The following STRA6 variants were observed in gnomAD, a reference collection of about 807,000 sequenced individuals.
STRA6 encodes receptor for retinol uptake STRA6.
In STRA6, 48 loss-of-function variants were observed where a neutral mutation model predicts 83.6. That is an observed-to-expected ratio of 0.57 (90% confidence interval 0.46 to 0.73). The LOEUF (loss-of-function observed/expected upper bound fraction) is 0.73, where lower values mean the gene tolerates loss of function less well. Among genes scored for constraint, STRA6 ranks in the 30% least tolerant of loss-of-function variants. STRA6 has a pLI of 0.00. For missense variants in STRA6, 760 were observed against 838.8 expected (o/e 0.91, Z 1.16); for synonymous variants, 353 against 362.3 (o/e 0.97, Z 0.29).
At chr15:74,182,135 A>T (rs759206996) in intron 16 of STRA6, 26 bp downstream of exon 16, 1 of 1,594,268 alleles carries the variant, frequency 6.3e-7, no homozygotes, top group Non-Finnish European at 8.6e-7. Context: ...GGCCTGAGGG[A>T]GCCACAAGCC....
At chr15:74,195,222 A>G in intron 7 of STRA6, 80 bp downstream of exon 7, 1 of 1,569,390 alleles carries the variant, frequency 6.4e-7, no homozygotes, top group South Asian at 1.2e-5. Flanking sequence ...TCATAGAATC[A>G]GAGCTCAAAG....
chr15:74,184,872 G>T, intron 13 of STRA6, 108 bp downstream of exon 13: 1 of 1,129,198 alleles, frequency 8.9e-7, no homozygotes, highest in Non-Finnish European at 1.3e-6. Context: ...GACAGCCCGG[G>T]CCGGCAGAGC....
intron 3 of STRA6, 102 bp downstream of exon 3, chr15:74,197,650 A>C: frequency 2.7e-6 from 4 of 1,455,252 alleles, no homozygotes; most frequent in Non-Finnish European, 3.8e-6. Context: ...CCCACCCAGG[A>C]TCTTCCAGGG....
In STRA6 at chr15:74,202,735, AG is replaced by A; in HGVS notation, c.-39del. 1.6e-6 allele frequency: 2 copies of A among 1,239,724 alleles called. No homozygotes were observed. Among genetic ancestry groups the A allele is most frequent in the Non-Finnish European group, 2.0e-6 (2 of 992,690 alleles). 76.8% of individuals were successfully genotyped at this position (1,239,724 alleles called of 1,614,324 possible). A position where few individuals can be genotyped will look rare whatever the true frequency, so the allele number is the denominator to read the frequency against. On this transcript the variant is annotated 5_prime_UTR_variant, in exon 1 of 19. Transcript: ENST00000395105. ...CACCAGAAGGGAGGCCCAGGGAGGA[AG>A]GAGTTGCAGAGATGAAAGGGTAGGC... is the stretch of plus-strand genomic sequence containing the variant.
At chr15:74,183,029 G>C (rs955334460) in intron 14 of STRA6, among the ~76,000 whole-genome samples, 3 of 152,208 alleles carry the variant, frequency 2.0e-5, no homozygotes, top group Non-Finnish European at 4.4e-5. Flanking sequence ...GGAACTGGAG[G>C]GAGAGATACA....
At chr15:74,181,514 G>A in intron 16 of STRA6, 56 bp from the exon 17 acceptor site, 2 of 1,596,142 alleles carry the variant, frequency 1.3e-6, no homozygotes, top group South Asian at 2.3e-5. Flanking sequence ...CCTCCCCAGG[G>A]TCAGTGTCAG....
chr15:74,191,351 G>C (rs2073529322), intron 9 of STRA6, 73 bp downstream of exon 9: 1 of 1,607,176 alleles, frequency 6.2e-7, no homozygotes, highest in African/African-American at 1.3e-5. Context: ...ATGCTGCCCA[G>C]TGCCAGCTTC....
At chr15:74,197,289 C>T (rs780151950) in intron 4 of STRA6, 49 bp downstream of exon 4, 5 of 1,388,786 alleles carry the variant, frequency 3.6e-6, no homozygotes, top group East Asian at 5.0e-5. Flanking sequence ...CCAGAGGGAC[C>T]CTGTCAGCTG....
chr15:74,211,393 CTT>C (rs34963230), upstream of STRA6, among the ~76,000 whole-genome samples: 341 of 73,862 alleles, frequency 4.6e-3, no homozygotes, highest in African/African-American at 0.017. Flanking sequence ...CTGCCCCTGG[CTT>C]TTTTTTTTTT....
At chr15:74,208,740 C>T (rs1396933504) in intron 1 of STRA6, 2 of 987,982 alleles carry the variant, frequency 2.0e-6, no homozygotes, top group Non-Finnish European at 2.4e-6. Context: ...CATGTGCCTT[C>T]TCGCTGTTCC....
chr15:74,198,125 G>A (rs1423410382), intron 2 of STRA6, among the ~76,000 whole-genome samples: 3 of 151,086 alleles, frequency 2.0e-5, no homozygotes, highest in African/African-American at 7.3e-5. Flanking sequence ...TTTTTCTGGA[G>A]GGACAGGGTC....
chr15:74,185,561 A>T (rs351236), intron 12 of STRA6, among the ~76,000 whole-genome samples: 2 of 152,184 alleles, frequency 1.3e-5, no homozygotes, highest in Non-Finnish European at 2.9e-5. Flanking sequence ...ATCGGTGTGG[A>T]CTGAGTCCAT....
intron 1 of STRA6, chr15:74,202,487 G>T (rs973639705): frequency 6.5e-7 from 1 of 1,534,274 alleles, no homozygotes; most frequent in Non-Finnish European, 8.7e-7. Context: ...AGAGGACAGG[G>T]CCTCTCGTGT....
chr15:74,194,097 C>G (rs1210991391), intron 7 of STRA6, among the ~76,000 whole-genome samples, 175 bp from the exon 8 acceptor site: 2 of 152,182 alleles, frequency 1.3e-5, no homozygotes, highest in Admixed American at 1.3e-4. Flanking sequence ...GCCCACTTCC[C>G]CTTCTCGAGC....
rs756741849 is a variant in STRA6 at position 74,181,279 on chromosome 15, C to T, written c.1684+16G>A. The T allele has an allele frequency of 1.3e-5, 21 of 1,612,136 alleles. No homozygotes were observed. The highest frequency in any genetic ancestry group is 2.7e-5 in the African/African-American group (2 of 74,772). Reference sequence around the variant, plus strand: ...GGTAGCCTGAGCAATCCTCCAGCCCCGCCCAGTGACCTTACCGGGGTCGAG... The same window carrying T: ...GGTAGCCTGAGCAATCCTCCAGCCCTGCCCAGTGACCTTACCGGGGTCGAG... On this transcript the variant is annotated intron_variant, in intron 17 of 18. Transcript: ENST00000395105.
rs2073761364 is a variant in STRA6 at position 74,195,380 on chromosome 15, GT to G, written c.518del (p.His173ProfsTer47). 6.2e-7 allele frequency: 1 copy of G among 1,613,554 alleles called. No homozygotes were observed. The highest frequency in any genetic ancestry group is 1.7e-5 in the Admixed American group (1 of 59,986). ...ACATAGHTAA[H>X]LLGSTLSWAH... ...CCCAGGACAGCGTGCTGCCGAGCAG[GT>G]GTGCAGCTGTGTGGCCAGCCGTGGC... On this transcript the variant is annotated frameshift_variant, in exon 7 of 19. Transcript: ENST00000395105. LOFTEE classifies it high-confidence loss of function.
intron 12 of STRA6, among the ~76,000 whole-genome samples, chr15:74,187,069 T>C (rs570066051): frequency 8.5e-5 from 13 of 152,328 alleles, no homozygotes; most frequent in African/African-American, 3.1e-4. Flanking sequence ...TGGAGCCAGC[T>C]GGGCTGCAGC....
At chr15:74,202,339 AAG>A in intron 1 of STRA6, 57 bp from the exon 2 acceptor site, 3 of 1,573,414 alleles carry the variant, frequency 1.9e-6, no homozygotes, top group African/African-American at 1.4e-5. Flanking sequence ...AGAGGCTTAA[AAG>A]AGAAAAAAAA....
chr15:74,181,093 G>C (rs889528091), intron 17 of STRA6, among the ~76,000 whole-genome samples, 156 bp from the exon 18 acceptor site: 2 of 152,134 alleles, frequency 1.3e-5, no homozygotes, highest in Non-Finnish European at 2.9e-5. Flanking sequence ...GCATGGGCAC[G>C]TGTGGACCTG....
Sources: gnomAD v4.1 joint callset for allele counts (sites outside exome capture counted in the v4.1 genomes callset) on GRCh38, gnomAD v4.1.1 for gene constraint, MANE v1.5 for transcripts, NCBI Gene and HGNC (gene_info 2026-07-23, HGNC 2026-07-21) for gene names.